The following SERGEF variants were observed in gnomAD, a reference collection of about 807,000 sequenced individuals.
SERGEF encodes the protein secretion regulating guanine nucleotide exchange factor.
In SERGEF, 51 loss-of-function variants were observed where a neutral mutation model predicts 50.0. The ratio of observed to expected loss-of-function variants is 1.02; its 90% CI spans 0.81 to 1.29. SERGEF has a LOEUF of 1.29. Among genes scored for constraint, SERGEF ranks in the 50% most tolerant of loss-of-function variants. The pLI is 0.00. For missense variants in SERGEF, 521 were observed against 557.0 expected, an observed-to-expected ratio of 0.94 and a Z score of 0.65; for synonymous variants, 205 against 212.4, an observed-to-expected ratio of 0.97 and a Z score of 0.30.
intron 10 of SERGEF, among the ~76,000 whole-genome samples, chr11:17,843,269 A>G (rs1171775358): frequency 1.3e-5 from 2 of 152,120 alleles, no homozygotes; most frequent in Non-Finnish European, 2.9e-5. Flanking sequence ...GGGTTGATCT[A>G]TTCTTCTGAG....
At chr11:17,898,299 A>T (rs1337672564) in intron 9 of SERGEF, among the ~76,000 whole-genome samples, 1 of 152,146 alleles carries the variant, frequency 6.6e-6, no homozygotes, top group Non-Finnish European at 1.5e-5. Context: ...CACGGCAGGG[A>T]GAAAGGAACA....
At chr11:17,962,067 A>G (rs1853013151) in intron 8 of SERGEF, among the ~76,000 whole-genome samples, 1 of 152,238 alleles carries the variant, frequency 6.6e-6, no homozygotes, top group Non-Finnish European at 1.5e-5. Flanking sequence ...TAGTCGAATC[A>G]AGATTTAAAC....
chr11:17,802,988 T>G (rs1344836433), intron 10 of SERGEF, among the ~76,000 whole-genome samples: 2 of 152,222 alleles, frequency 1.3e-5, no homozygotes, highest in Non-Finnish European at 2.9e-5. Flanking sequence ...TATGAGTATA[T>G]AAAAGGTGCT....
chr11:17,889,467 A>G (rs1411216445), intron 9 of SERGEF, among the ~76,000 whole-genome samples: 1 of 152,202 alleles, frequency 6.6e-6, no homozygotes, highest in African/African-American at 2.4e-5. Context: ...GATAAAACCA[A>G]TTGAGGGACA....
chr11:17,946,737 T>C (rs1434411424), intron 9 of SERGEF, among the ~76,000 whole-genome samples: 1 of 152,246 alleles, frequency 6.6e-6, no homozygotes, highest in African/African-American at 2.4e-5. Flanking sequence ...GTCTGAGGAA[T>C]GGAGCAATGC....
intron 8 of SERGEF, among the ~76,000 whole-genome samples, chr11:17,982,207 G>T (rs904754532): frequency 2.0e-5 from 3 of 152,138 alleles, no homozygotes; most frequent in Non-Finnish European, 4.4e-5. Flanking sequence ...TGGAAAGAAT[G>T]TAACAAGGCA....
rs1851476728 is a variant in SERGEF, at chr11:17,888,654, CACACACACACACACACA to C, written c.1012-10427_1012-10411del. On this transcript the variant is annotated intron_variant, in intron 9 of 10. Transcript: ENST00000265965. The surrounding 1 kb of genome is among the most constrained non-coding windows in gnomAD (Gnocchi z 4.1). ...ACACACACACACACACACACACACA[CACACACACACACACACA>C]CACACACGCATTGAGTTAAACCAAC... is the stretch of plus-strand genomic sequence containing the variant. Among the ~76,000 whole-genome samples the C allele has an allele frequency of 6.6e-6, 1 of 151,304 alleles. No individual in the cohort carries two copies. Among genetic ancestry groups the C allele is most frequent in the Non-Finnish European group, 1.5e-5 (1 of 67,758 alleles).
intron 10 of SERGEF, among the ~76,000 whole-genome samples, chr11:17,850,954 G>C (rs1850699759): frequency 6.6e-6 from 1 of 152,134 alleles, no homozygotes. Flanking sequence ...AGGAGACCTG[G>C]GTTGTAGTTC....
intron 9 of SERGEF, among the ~76,000 whole-genome samples, chr11:17,891,447 C>T (rs1851530833): frequency 1.3e-5 from 2 of 152,180 alleles, no homozygotes; most frequent in Non-Finnish European, 2.9e-5. Flanking sequence ...GAGCTGTGGT[C>T]AGTTCGGGAC....
At chr11:17,962,006 G>A (rs186132866) in intron 8 of SERGEF, among the ~76,000 whole-genome samples, 76 of 152,232 alleles carry the variant, frequency 5.0e-4, no homozygotes, top group African/African-American at 1.6e-3. Flanking sequence ...TTACAGATGA[G>A]GTTAAATGAT....
chr11:17,836,431 G>C (rs1385448199), intron 10 of SERGEF, among the ~76,000 whole-genome samples: 1 of 152,184 alleles, frequency 6.6e-6, no homozygotes, highest in Admixed American at 6.5e-5. Context: ...TTCTGAGGCT[G>C]CATCCAGACT....
chr11:17,997,963 T>C (rs777751299), intron 5 of SERGEF, among the ~76,000 whole-genome samples: 9 of 152,166 alleles, frequency 5.9e-5, no homozygotes, highest in Admixed American at 1.3e-4. Context: ...GTGGTGGTGA[T>C]TGCATAATGA....
chr11:17,876,172 T>C (rs574922440), intron 10 of SERGEF, among the ~76,000 whole-genome samples: 1 of 152,312 alleles, frequency 6.6e-6, no homozygotes, highest in South Asian at 2.1e-4. Context: ...GGCAGGTACA[T>C]ATGTGCAGAG....
intron 9 of SERGEF, among the ~76,000 whole-genome samples, chr11:17,950,212 A>G (rs1338534714): frequency 6.6e-6 from 1 of 152,198 alleles, no homozygotes; most frequent in East Asian, 1.9e-4. Context: ...GCTGGGTGCT[A>G]TGCAAGGTGA....
chr11:17,978,849 A>G (rs1238516976), intron 8 of SERGEF, among the ~76,000 whole-genome samples: 2 of 152,164 alleles, frequency 1.3e-5, no homozygotes, highest in African/African-American at 4.8e-5. Context: ...CCTCATCCCA[A>G]GGCTAGCTGG....
At position 17,835,455 on chromosome 11, in the gene SERGEF, C is replaced by T. The variant is rs546147624; in HGVS notation, c.1048+42753G>A. 5.3e-4 allele frequency among the ~76,000 whole-genome samples: 80 copies of T among 152,138 alleles called. 1 individual carries two copies. The highest frequency in any genetic ancestry group is 1.0e-3 in the Non-Finnish European group (69 of 68,024). On this transcript the variant is annotated intron_variant, in intron 10 of 10. Transcript: ENST00000265965. ...TGTACTTGGAAGGGATTTCCTCCTCCGACACTCCTACCCCTGGATCTGGAC... is the reference window on the plus strand; with the variant it reads ...TGTACTTGGAAGGGATTTCCTCCTCTGACACTCCTACCCCTGGATCTGGAC...
intron 9 of SERGEF, among the ~76,000 whole-genome samples, chr11:17,887,666 A>C (rs1040292696): frequency 9.2e-5 from 14 of 152,270 alleles, no homozygotes; most frequent in Middle Eastern, 3.2e-3. Context: ...AGTATCTACT[A>C]AAGCTAAACA....
At chr11:17,964,942 T>C (rs1853086741) in intron 8 of SERGEF, among the ~76,000 whole-genome samples, 1 of 152,178 alleles carries the variant, frequency 6.6e-6, no homozygotes, top group Non-Finnish European at 1.5e-5. Context: ...CATCTTCCTG[T>C]ACAAGGAGCA....
intron 10 of SERGEF, among the ~76,000 whole-genome samples, chr11:17,814,567 T>C (rs180840120): frequency 6.6e-6 from 1 of 152,340 alleles, no homozygotes; most frequent in Admixed American, 6.5e-5. Context: ...TGAATACACA[T>C]GGGATGGGAT....
Sources: gnomAD v4.1 joint callset for allele counts (sites outside exome capture counted in the v4.1 genomes callset) on GRCh38, gnomAD v4.1.1 for gene constraint, Gnocchi (gnomAD v3.1) non-coding constraint, MANE v1.5 for transcripts, NCBI Gene and HGNC (gene_info 2026-07-23, HGNC 2026-07-21) for gene names.